The following ORC1 variants were observed in gnomAD, a reference collection of about 807,000 sequenced individuals.
ORC1 encodes origin recognition complex subunit 1.
ORC1 carries 61 observed loss-of-function variants against 98.9 expected under a neutral mutation model. The ratio of observed to expected loss-of-function variants is 0.62; its 90% confidence interval spans 0.50 to 0.76. ORC1 has a LOEUF of 0.76. Among genes scored for constraint, ORC1 ranks in the 30% least tolerant of loss-of-function variants. ORC1 has a pLI of 0.00. For synonymous variants in ORC1, 385 were observed against 406.9 expected (o/e 0.95, Z 0.65); for missense variants, 979 against 1,072.2 (o/e 0.91, Z 1.21).
upstream of ORC1, chr1:52,408,524 G>A (rs1039315969): frequency 6.2e-7 from 1 of 1,613,212 alleles, no homozygotes; most frequent in East Asian, 2.2e-5. Context: ...TAAAACTCAG[G>A]AACTTCTAGG....
intron 7 of ORC1, 37 bp downstream of exon 7, chr1:52,389,180 C>T: frequency 1.4e-6 from 2 of 1,430,274 alleles, no homozygotes; most frequent in Non-Finnish European, 2.0e-6. Flanking sequence ...TCAGAGATGG[C>T]AGCAATGTTT....
chr1:52,381,389 C>CATG (rs1647067532), intron 14 of ORC1, among the ~76,000 whole-genome samples: 6 of 152,130 alleles, frequency 3.9e-5, no homozygotes, highest in African/African-American at 9.7e-5. Flanking sequence ...ACTATATTGT[C>CATG]CCTTTCATCA....
chr1:52,396,665 C>G (rs1349707113), intron 4 of ORC1, among the ~76,000 whole-genome samples: 2 of 152,112 alleles, frequency 1.3e-5, no homozygotes, highest in Non-Finnish European at 2.9e-5. Context: ...CTATTATTAT[C>G]ACCCTAGTTC....
In ORC1 at chr1:52,381,736, G is replaced by A; in HGVS notation, c.2039C>T (p.Pro680Leu). Reference protein sequence around the residue: ...RLGLTRMCFQPYTYSQLQQIL... With the variant: ...RLGLTRMCFQLYTYSQLQQIL... ...CTGCTGCAGCTGGCTATATGTATAGGGCTGGAAGCACATCCTGGTAAGACC... is the reference window on the plus strand; with the variant it reads ...CTGCTGCAGCTGGCTATATGTATAGAGCTGGAAGCACATCCTGGTAAGACC... Residue 680 changes from proline to leucine, a missense_variant, in exon 14 of 17, where the codon CCC (proline) becomes CTC (leucine). Pro to Leu is a moderately conservative substitution (Grantham distance 98). Coordinates refer to ENST00000371568, the MANE Select transcript of ORC1 (RefSeq NM_004153.4). The A allele has an allele frequency of 6.2e-7, 1 of 1,613,420 alleles. No individual in the cohort carries two copies. Among genetic ancestry groups the A allele is most frequent in the Non-Finnish European group, 8.5e-7 (1 of 1,179,636 alleles).
chr1:52,385,955 T>C lies in ORC1; in HGVS notation c.1384-6A>G. Reference sequence around the variant, plus strand: ...CGTGGCGTTCTAGGCTTGAGCTGTATTGAAAACAAAGAACATATTTCACAA... The same window carrying C: ...CGTGGCGTTCTAGGCTTGAGCTGTACTGAAAACAAAGAACATATTTCACAA... On this transcript the variant is annotated splice_polypyrimidine_tract_variant and splice_region_variant and intron_variant, in intron 8 of 16. Transcript: ENST00000371568. The C allele has an allele frequency of 6.2e-7, 1 of 1,610,016 alleles. No homozygotes were observed. The highest frequency in any genetic ancestry group is 8.5e-7 in the Non-Finnish European group (1 of 1,177,140).
chr1:52,408,553 G>A (rs933067782), upstream of ORC1: 3 of 1,613,920 alleles, frequency 1.9e-6, no homozygotes, highest in Admixed American at 1.7e-5. Context: ...TTGTTTCACT[G>A]TCATCTGTCT....
At chr1:52,400,394 A>G (rs7556402) in intron 3 of ORC1, among the ~76,000 whole-genome samples, 4,253 of 152,308 alleles carry the variant, frequency 0.028, 141 homozygotes, top group African/African-American at 0.079. Flanking sequence ...TTTAAAGCTT[A>G]TGACTTGTTT....
chr1:52,395,714 A>C (rs537143509), intron 5 of ORC1, among the ~76,000 whole-genome samples: 1 of 152,150 alleles, frequency 6.6e-6, no homozygotes, highest in South Asian at 2.1e-4. Context: ...TACTTGGGAG[A>C]CTGAGGAAGG....
At chr1:52,408,393 C>T, upstream of ORC1, 1 of 790,138 alleles carries the variant, frequency 1.3e-6, no homozygotes, top group Non-Finnish European at 2.2e-6. Context: ...GGAACTTGAA[C>T]TCAGGTCTCC....
upstream of ORC1, chr1:52,408,168 A>T: frequency 3.0e-6 from 1 of 330,890 alleles, no homozygotes; most frequent in Non-Finnish European, 5.9e-6. Context: ...TGATCCCAGG[A>T]GGCGGAGGTT....
At chr1:52,403,423 C>T (rs145647455) in intron 1 of ORC1, among the ~76,000 whole-genome samples, 1 of 152,262 alleles carries the variant, frequency 6.6e-6, no homozygotes, top group East Asian at 1.9e-4. Flanking sequence ...GATTCACAAA[C>T]CTCCTAAAGT....
chr1:52,402,718 G>A (rs2147949020), intron 1 of ORC1, among the ~76,000 whole-genome samples: 1 of 152,304 alleles, frequency 6.6e-6, no homozygotes. Context: ...TGGATCACCT[G>A]AGGTCAGGAG....
At chr1:52,386,878 G>C (rs1207712698) in intron 8 of ORC1, among the ~76,000 whole-genome samples, 1 of 152,052 alleles carries the variant, frequency 6.6e-6, no homozygotes, top group Non-Finnish European at 1.5e-5. Flanking sequence ...TTGAGCCCAG[G>C]AGGTTGAGGC....
At chr1:52,382,044 T>C (rs1037316012) in intron 13 of ORC1, among the ~76,000 whole-genome samples, 2 of 152,168 alleles carry the variant, frequency 1.3e-5, no homozygotes, top group Admixed American at 1.3e-4. Flanking sequence ...AGTGGCATGA[T>C]CTCGGCTCAC....
At chr1:52,400,745 G>A (rs546305815) in intron 3 of ORC1, among the ~76,000 whole-genome samples, 14 of 152,318 alleles carry the variant, frequency 9.2e-5, no homozygotes, top group African/African-American at 2.9e-4. Flanking sequence ...TTCGATGTGG[G>A]CTTGTAGGCT....
chr1:52,375,165 CATCA>C (rs1557567031), intron 15 of ORC1, among the ~76,000 whole-genome samples: 2 of 151,606 alleles, frequency 1.3e-5, no homozygotes, highest in Non-Finnish European at 2.9e-5. Flanking sequence ...GAGCTGAGCA[CATCA>C]ATCAGTGTGA....
At position 52,372,989 on chromosome 1, in the gene ORC1, G is replaced by A. The variant is rs367894366; in HGVS notation, c.*192C>T. ...GCCCTGTCTCTACAAAAAATCAGCTGGGCATGGTGGCATGTGCCTGTAGTT... is the reference window on the plus strand; with the variant it reads ...GCCCTGTCTCTACAAAAAATCAGCTAGGCATGGTGGCATGTGCCTGTAGTT... On this transcript the variant is annotated 3_prime_UTR_variant, in exon 17 of 17. Coordinates refer to ENST00000371568, the MANE Select transcript of ORC1 (RefSeq NM_004153.4). The A allele has an allele frequency of 1.1e-5, 7 of 644,330 alleles. No homozygotes were observed. The highest frequency in any genetic ancestry group is 1.1e-4 in the African/African-American group (6 of 55,996). 39.9% of individuals were successfully genotyped at this position (644,330 alleles called of 1,614,324 possible).
At chr1:52,399,400 G>A (rs371077334) in intron 3 of ORC1, among the ~76,000 whole-genome samples, 46 of 152,118 alleles carry the variant, frequency 3.0e-4, no homozygotes, top group Non-Finnish European at 6.3e-4. Context: ...TGAGGCGGGC[G>A]GATCATGAGG....
Position 52,402,207 on chromosome 1 carries a change from G to T in ORC1, c.17C>A (p.Thr6Lys). The stretch of plus-strand genomic sequence containing the variant: ...ATAAGTTTTTCTGGTCTTCAGCCTT[G>T]TGGGGTAGTGTGCCATGGCTTCTGT... MAHYP[T>K]RLKTRKTYSW... The change falls in exon 2 of 17, where the codon ACA becomes AAA. Residue 6 changes from threonine (T) to lysine (K), a missense_variant. Thr to Lys is a moderately conservative substitution (Grantham distance 78). Transcript: ENST00000371568. The T allele has an allele frequency of 6.2e-7, 1 of 1,614,144 alleles. No individual in the cohort carries two copies. Among genetic ancestry groups the T allele is most frequent in the Non-Finnish European group, 8.5e-7 (1 of 1,179,982 alleles).
Sources: allele counts gnomAD v4.1 joint callset (sites outside exome capture counted in the v4.1 genomes callset), GRCh38; gene constraint gnomAD v4.1.1; transcripts MANE v1.5; gene names NCBI Gene and HGNC (gene_info 2026-07-23, HGNC 2026-07-21).